TSC22D3: variants seen among roughly 807,000 people sequenced by gnomAD.
The protein encoded by TSC22D3 is TSC22 domain family protein 3.
TSC22D3 carries 4 observed loss-of-function variants against 11.1 expected under a neutral mutation model. That is an observed-to-expected ratio of 0.36 (90% confidence interval 0.18 to 0.83). The LOEUF (loss-of-function observed/expected upper bound fraction) is 0.83. TSC22D3 is among the 40% of genes least tolerant of loss of function. The pLI is 0.48. For missense variants in TSC22D3, 118 were observed against 159.4 expected, an observed-to-expected ratio of 0.74 and a Z score of 1.40; for synonymous variants, 77 against 70.3, an observed-to-expected ratio of 1.10 and a Z score of -0.48.
chrX:107,760,680 T>C (rs905084874), intron 1 of TSC22D3, among the ~76,000 whole-genome samples: 1 of 112,633 alleles, frequency 8.9e-6, no homozygotes, highest in Admixed American at 9.3e-5. Context: ...AGGCCCATTG[T>C]CCTCTGAGAT....
chrX:107,745,321 C>G (rs771735247), intron 1 of TSC22D3, among the ~76,000 whole-genome samples: 1 of 112,202 alleles, frequency 8.9e-6, no homozygotes, highest in Non-Finnish European at 1.9e-5. Flanking sequence ...CCAGAAGTGG[C>G]AGTCTCCCCG....
intron 1 of TSC22D3, among the ~76,000 whole-genome samples, chrX:107,734,878 TAAAAAAAAAAA>T (rs781386272): frequency 4.0e-4 from 15 of 37,281 alleles, no homozygotes; most frequent in African/African-American, 7.0e-4. Context: ...CAACTCTACG[TAAAAAAAAAAA>T]AAAAAAAAAA....
At chrX:107,732,996 G>A (rs1178162616) in intron 1 of TSC22D3, among the ~76,000 whole-genome samples, 2 of 109,497 alleles carry the variant, frequency 1.8e-5, no homozygotes, top group Non-Finnish European at 3.8e-5. Flanking sequence ...AGCTACTCCC[G>A]GCCGAGGTGG....
chrX:107,761,293 C>T (rs1300356522), intron 1 of TSC22D3, among the ~76,000 whole-genome samples: 1 of 112,305 alleles, frequency 8.9e-6, no homozygotes, highest in Non-Finnish European at 1.9e-5. Context: ...CCCACAAGGG[C>T]TAGAACTTCC....
intron 1 of TSC22D3, among the ~76,000 whole-genome samples, chrX:107,756,288 G>A (rs1194476605): frequency 8.9e-6 from 1 of 112,437 alleles, no homozygotes; most frequent in Non-Finnish European, 1.9e-5. Flanking sequence ...ACTTTAAGCA[G>A]ATTCCCTTTT....
At chrX:107,758,159 A>T (rs1053927890) in intron 1 of TSC22D3, among the ~76,000 whole-genome samples, 1 of 110,647 alleles carries the variant, frequency 9.0e-6, no homozygotes, top group African/African-American at 3.3e-5. Flanking sequence ...TAGTGAGCAC[A>T]CTAGGGCTGT....
chrX:107,749,794 C>G (rs778140582), intron 1 of TSC22D3, among the ~76,000 whole-genome samples: 1 of 111,337 alleles, frequency 9.0e-6, no homozygotes, highest in Non-Finnish European at 1.9e-5. Context: ...CCAAGCATCT[C>G]CAGGGGGCAG....
chrX:107,758,950 G>A (rs1345406164), intron 1 of TSC22D3, among the ~76,000 whole-genome samples: 3 of 110,598 alleles, frequency 2.7e-5, no homozygotes, highest in African/African-American at 6.6e-5. Context: ...GCGCAGTCTC[G>A]GCTCACTGCA....
chrX:107,734,061 TC>T (rs1403532766), intron 1 of TSC22D3, among the ~76,000 whole-genome samples: 2 of 111,867 alleles, frequency 1.8e-5, no homozygotes, highest in African/African-American at 3.3e-5. Flanking sequence ...TCACCACCTT[TC>T]CCCCAGGGAT....
At chrX:107,752,976 A>G (rs947045748) in intron 1 of TSC22D3, among the ~76,000 whole-genome samples, 1 of 112,203 alleles carries the variant, frequency 8.9e-6, no homozygotes, top group African/African-American at 3.2e-5. Flanking sequence ...TGTGGGCTGC[A>G]GGAACCAGAG....
At chrX:107,756,814 G>A (rs1330890364) in intron 1 of TSC22D3, among the ~76,000 whole-genome samples, 1 of 112,761 alleles carries the variant, frequency 8.9e-6, no homozygotes, top group Non-Finnish European at 1.9e-5. Flanking sequence ...CCTCTGTGGA[G>A]TGGACTTCCT....
intron 1 of TSC22D3, among the ~76,000 whole-genome samples, chrX:107,743,125 A>G (rs1406697114): frequency 8.9e-6 from 1 of 112,778 alleles, no homozygotes; most frequent in Non-Finnish European, 1.9e-5. Context: ...CCAAGGCTGG[A>G]ACCAGAGCGG....
Position 107,775,476 on chromosome X carries a change from C to T in TSC22D3, c.-57G>A. 9.7e-7 allele frequency: 1 copy of T among 1,035,361 alleles called. No individual in the cohort carries two copies. The highest frequency in any genetic ancestry group is 1.3e-6 in the Non-Finnish European group (1 of 773,416). The allele number at this position is 1,035,361 out of a possible 1,213,427, so 85.3% of individuals were successfully genotyped here. ...AGGTCAGGGGCGGCTGGCAGGTGCGCGCCCACCGAGCTGGCCTGAGGGGAC... is the reference window on the plus strand; with the variant it reads ...AGGTCAGGGGCGGCTGGCAGGTGCGTGCCCACCGAGCTGGCCTGAGGGGAC... On this transcript the variant is annotated 5_prime_UTR_variant, in exon 1 of 3. Coordinates refer to ENST00000372383, the MANE Select transcript of TSC22D3 (RefSeq NM_198057.3).
intron 1 of TSC22D3, among the ~76,000 whole-genome samples, chrX:107,772,993 T>C (rs761479322): frequency 1.6e-4 from 18 of 112,890 alleles, no homozygotes; most frequent in Non-Finnish European, 3.2e-4. Flanking sequence ...TCACTGGTTT[T>C]GAACGCTGAG....
intron 1 of TSC22D3, among the ~76,000 whole-genome samples, chrX:107,756,647 G>A (rs898157158): frequency 2.7e-5 from 3 of 112,474 alleles, no homozygotes; most frequent in South Asian, 7.4e-4. Context: ...CCAGGGCACC[G>A]GCCGTTATTA....
intron 1 of TSC22D3, among the ~76,000 whole-genome samples, chrX:107,728,821 A>T (rs1352590278): frequency 8.9e-6 from 1 of 112,236 alleles, no homozygotes; most frequent in African/African-American, 3.2e-5. Flanking sequence ...AAGGGATGTG[A>T]TGACCTGCCT....
intron 1 of TSC22D3, among the ~76,000 whole-genome samples, chrX:107,761,016 T>G (rs1431459684): frequency 9.0e-6 from 1 of 111,392 alleles, no homozygotes; most frequent in Non-Finnish European, 1.9e-5. Context: ...AGATAAGGTT[T>G]TGTTCTGGTA....
chrX:107,759,146 G>A (rs1222885859), intron 1 of TSC22D3, among the ~76,000 whole-genome samples: 3 of 111,479 alleles, frequency 2.7e-5, no homozygotes, highest in East Asian at 5.6e-4. Flanking sequence ...GATTACAGAC[G>A]TGAGCCACTG....
intron 1 of TSC22D3, among the ~76,000 whole-genome samples, chrX:107,718,339 C>T (rs893604494): frequency 8.0e-5 from 9 of 112,210 alleles, no homozygotes; most frequent in Admixed American, 6.6e-4. Flanking sequence ...CAACTCAGGA[C>T]CAAAGGAGAA....
Sources: gnomAD v4.1 joint callset for allele counts (sites outside exome capture counted in the v4.1 genomes callset) on GRCh38, gnomAD v4.1.1 for gene constraint, MANE v1.5 for transcripts, NCBI Gene and HGNC (gene_info 2026-07-23, HGNC 2026-07-21) for gene names.